Variants in NRXN1 observed in about 807,000 individuals in gnomAD.
NRXN1 encodes the protein neurexin 1.
Under a neutral mutation model 150.9 loss-of-function variants are expected in NRXN1, and 39 were observed. The ratio of observed to expected loss-of-function variants is 0.26; its 90% confidence interval spans 0.20 to 0.34. The LOEUF is 0.34. NRXN1 is among the 10% of genes least tolerant of loss of function. The pLI is 1.00. For missense variants in NRXN1, 1,815 were observed against 1,949.9 expected, an observed-to-expected ratio of 0.93 and a Z score of 1.30; for synonymous variants, 924 against 757.0, an observed-to-expected ratio of 1.22 and a Z score of -3.62.
chr2:50,897,375 G>C (rs968795279), intron 5 of NRXN1, among the ~76,000 whole-genome samples: 1 of 152,092 alleles, frequency 6.6e-6, no homozygotes, highest in Non-Finnish European at 1.5e-5. Flanking sequence ...GTGATACCAG[G>C]ACCATTCTAA....
chr2:50,595,035 C>A (rs1674929625), intron 8 of NRXN1, among the ~76,000 whole-genome samples: 1 of 150,208 alleles, frequency 6.7e-6, no homozygotes, highest in Non-Finnish European at 1.5e-5. Flanking sequence ...AATAGTGAAA[C>A]ACCAGAGCGG....
intron 17 of NRXN1, among the ~76,000 whole-genome samples, chr2:50,262,603 A>C (rs968768673): frequency 6.6e-6 from 1 of 152,126 alleles, no homozygotes; most frequent in South Asian, 2.1e-4. Flanking sequence ...CCAAGCTGAA[A>C]TTCTTATGAG....
At chr2:49,930,209 G>A (rs1669873917) in intron 22 of NRXN1, among the ~76,000 whole-genome samples, 2 of 152,186 alleles carry the variant, frequency 1.3e-5, no homozygotes, top group South Asian at 4.1e-4. Context: ...ATTTATCACA[G>A]AGACTGTAGA....
intron 21 of NRXN1, among the ~76,000 whole-genome samples, chr2:50,019,631 G>T (rs1365327075): frequency 3.8e-4 from 16 of 42,180 alleles, no homozygotes; most frequent in Non-Finnish European, 4.5e-4. Context: ...GAAGGAGCAA[G>T]ATTCCGTCTC....
At chr2:50,266,136 T>TGCACCACAACGCCCAGG (rs2068838854) in intron 17 of NRXN1, among the ~76,000 whole-genome samples, 1 of 150,064 alleles carries the variant, frequency 6.7e-6, no homozygotes, top group Non-Finnish European at 1.5e-5. Flanking sequence ...GTAGCTGGGA[T>TGCACCACAACGCCCAGG]TACAGGCATG....
chr2:50,503,216 G>A (rs1254625204), intron 13 of NRXN1, among the ~76,000 whole-genome samples: 1 of 151,712 alleles, frequency 6.6e-6, no homozygotes, highest in Non-Finnish European at 1.5e-5. Context: ...GCTGAGACAG[G>A]AGAATCACTT....
intron 2 of NRXN1, among the ~76,000 whole-genome samples, chr2:50,988,888 T>C (rs912842135): frequency 4.6e-5 from 7 of 151,916 alleles, no homozygotes; most frequent in East Asian, 1.9e-4. Flanking sequence ...TACTAGGTGG[T>C]TGGGGAGATC....
At chr2:50,942,316 G>A (rs1319865564) in intron 2 of NRXN1, among the ~76,000 whole-genome samples, 2 of 152,168 alleles carry the variant, frequency 1.3e-5, no homozygotes, top group East Asian at 1.9e-4. Flanking sequence ...GAAATATGGG[G>A]TTGGAGCCCC....
At chr2:50,602,669 G>A (rs946410412) in intron 8 of NRXN1, among the ~76,000 whole-genome samples, 1 of 151,422 alleles carries the variant, frequency 6.6e-6, no homozygotes, top group Non-Finnish European at 1.5e-5. Context: ...ATTACTGATG[G>A]CTCAGATACA....
intron 15 of NRXN1, among the ~76,000 whole-genome samples, chr2:50,487,045 T>C (rs1339632065): frequency 6.6e-6 from 1 of 152,190 alleles, no homozygotes; most frequent in Admixed American, 6.5e-5. Context: ...TCTGGTGAGA[T>C]GCTTAACCTC....
chr2:50,131,795 T>C (rs1029348221), intron 18 of NRXN1, among the ~76,000 whole-genome samples: 2 of 152,198 alleles, frequency 1.3e-5, no homozygotes, highest in African/African-American at 4.8e-5. Flanking sequence ...CATATGTCCC[T>C]GGACTTTTGT....
intron 21 of NRXN1, among the ~76,000 whole-genome samples, chr2:50,037,694 T>C (rs934169044): frequency 1.4e-4 from 21 of 152,198 alleles, no homozygotes; most frequent in Non-Finnish European, 2.8e-4. Context: ...CAGAAGCATT[T>C]AGAATTTCTG....
chr2:50,559,921 A>T (rs1187041708), intron 8 of NRXN1, among the ~76,000 whole-genome samples: 1 of 152,222 alleles, frequency 6.6e-6, no homozygotes, highest in Non-Finnish European at 1.5e-5. Flanking sequence ...GCCCAAAAGC[A>T]AATTTTAGCA....
chr2:50,368,901 C>G (rs944064039), intron 17 of NRXN1, among the ~76,000 whole-genome samples: 4 of 151,982 alleles, frequency 2.6e-5, no homozygotes, highest in Admixed American at 2.0e-4. Flanking sequence ...TGCCTAAGAT[C>G]TTGCCTCTGA....
At chr2:50,542,076 G>A (rs565278966) in intron 9 of NRXN1, among the ~76,000 whole-genome samples, 21 of 152,146 alleles carry the variant, frequency 1.4e-4, no homozygotes, top group Non-Finnish European at 2.5e-4. Flanking sequence ...GAGGTCAGGA[G>A]TTCGAGACCA....
chr2:50,588,258 C>T (rs898068836), intron 8 of NRXN1, among the ~76,000 whole-genome samples: 1 of 152,154 alleles, frequency 6.6e-6, no homozygotes, highest in Non-Finnish European at 1.5e-5. Context: ...TAACATGCTC[C>T]TGATGGCTCC....
At chr2:50,527,779 GA>G (rs939379047) in intron 12 of NRXN1, among the ~76,000 whole-genome samples, 7 of 151,992 alleles carry the variant, frequency 4.6e-5, no homozygotes, top group African/African-American at 1.7e-4. Flanking sequence ...TTTGAGAATA[GA>G]AAAAAATTCT....
In NRXN1 at chr2:50,577,785, T is replaced by C. The variant is rs187269076; in HGVS notation, c.1321-24760A>G. ...AAAGGAAATAACTAAATTAAAGTCA[T>C]AGCAATCCAGAATAGTGATATATGT... On this transcript the variant is annotated intron_variant, in intron 8 of 22. Coordinates refer to ENST00000401669, the MANE Select transcript of NRXN1 (RefSeq NM_001330078.2). Among the ~76,000 whole-genome samples, 10 of 151,930 alleles carry C rather than the reference T, an allele frequency of 6.6e-5. No individual in the cohort carries two copies. The East Asian group carries it at 7.7e-4, about 12-fold the overall frequency.
chr2:50,350,463 T>C (rs2078329447), intron 17 of NRXN1, among the ~76,000 whole-genome samples: 1 of 152,174 alleles, frequency 6.6e-6, no homozygotes, highest in African/African-American at 2.4e-5. Context: ...AAGCCAATAG[T>C]CTTGTTCAAC....
Sources: allele counts gnomAD v4.1 joint callset (sites outside exome capture counted in the v4.1 genomes callset), GRCh38; gene constraint gnomAD v4.1.1; transcripts MANE v1.5; gene names NCBI Gene and HGNC (gene_info 2026-07-23, HGNC 2026-07-21).